EXOC6B: variants seen among roughly 807,000 people sequenced by gnomAD.
EXOC6B encodes the protein SEC15 homolog B.
EXOC6B carries 54 observed loss-of-function variants against 113.5 expected under a neutral mutation model. The ratio of observed to expected loss-of-function variants is 0.48; its 90% CI spans 0.38 to 0.60. EXOC6B has a LOEUF of 0.60. Among genes scored for constraint, EXOC6B ranks in the 20% least tolerant of loss-of-function variants. The pLI, the probability that EXOC6B is intolerant of heterozygous loss-of-function variation, is 0.00. For synonymous variants in EXOC6B, 357 were observed against 339.0 expected, an observed-to-expected ratio of 1.05 and a Z score of -0.58; for missense variants, 797 against 977.5, an observed-to-expected ratio of 0.82 and a Z score of 2.46.
chr2:72,746,371 A>C (rs536271416), intron 1 of EXOC6B, among the ~76,000 whole-genome samples: 20 of 152,092 alleles, frequency 1.3e-4, no homozygotes, highest in Non-Finnish European at 2.6e-4. Flanking sequence ...TCAACTAAAT[A>C]AATGCTGCCA....
intron 20 of EXOC6B, among the ~76,000 whole-genome samples, chr2:72,242,698 G>A (rs1292481581): frequency 6.6e-6 from 1 of 152,064 alleles, no homozygotes; most frequent in African/African-American, 2.4e-5. Flanking sequence ...TTTTCAGAGT[G>A]AATAAAATAA....
intron 18 of EXOC6B, among the ~76,000 whole-genome samples, chr2:72,432,853 G>A (rs142977498): frequency 6.6e-6 from 1 of 152,160 alleles, no homozygotes; most frequent in Admixed American, 6.5e-5. Context: ...CTCCCATTCT[G>A]TAGGCTGCCT....
chr2:72,338,061 A>G (rs549745946), intron 19 of EXOC6B, among the ~76,000 whole-genome samples: 157 of 152,290 alleles, frequency 1.0e-3, no homozygotes, highest in African/African-American at 3.7e-3. Flanking sequence ...TTACATGCAC[A>G]TTGATTAAGG....
intron 17 of EXOC6B, among the ~76,000 whole-genome samples, chr2:72,473,124 T>C (rs1486245474): frequency 2.0e-5 from 3 of 152,146 alleles, no homozygotes; most frequent in Non-Finnish European, 4.4e-5. Context: ...GAATGTTCCT[T>C]GTGCTGATGA....
At chr2:72,686,796 A>C (rs577602052) in intron 6 of EXOC6B, among the ~76,000 whole-genome samples, 3 of 152,300 alleles carry the variant, frequency 2.0e-5, no homozygotes, top group African/African-American at 7.2e-5. Context: ...GATATTCAAT[A>C]TGTCCTACAC....
chr2:72,722,200 A>G (rs1680054720), intron 5 of EXOC6B, among the ~76,000 whole-genome samples: 1 of 152,100 alleles, frequency 6.6e-6, no homozygotes, highest in African/African-American at 2.4e-5. Context: ...TTGGATGGCA[A>G]TATTACGAGC....
intron 19 of EXOC6B, among the ~76,000 whole-genome samples, chr2:72,345,366 G>C (rs566068193): frequency 6.6e-6 from 1 of 152,236 alleles, no homozygotes; most frequent in African/African-American, 2.4e-5. Context: ...TGTCCACATA[G>C]GAATCTGGGA....
At chr2:72,786,102 C>T (rs1263629908) in intron 1 of EXOC6B, among the ~76,000 whole-genome samples, 3 of 152,004 alleles carry the variant, frequency 2.0e-5, no homozygotes, top group African/African-American at 7.3e-5. Flanking sequence ...AGACATTCTA[C>T]AAAACAAGGA....
At chr2:72,348,216 C>T (rs1689445409) in intron 19 of EXOC6B, among the ~76,000 whole-genome samples, 1 of 152,092 alleles carries the variant, frequency 6.6e-6, no homozygotes, top group East Asian at 1.9e-4. Flanking sequence ...GGACACTAAT[C>T]CTATTTACAA....
chr2:72,581,310 G>T (rs751564953), intron 6 of EXOC6B, among the ~76,000 whole-genome samples: 4 of 151,782 alleles, frequency 2.6e-5, no homozygotes, highest in Non-Finnish European at 5.9e-5. Flanking sequence ...TATCAGATTC[G>T]AACAAACAAA....
intron 18 of EXOC6B, among the ~76,000 whole-genome samples, chr2:72,449,597 T>C (rs1422707739): frequency 6.6e-6 from 1 of 151,912 alleles, no homozygotes; most frequent in African/African-American, 2.4e-5. Context: ...AATATTTTCA[T>C]AGATAAGAAA....
chr2:72,318,519 G>C (rs1219003626), intron 20 of EXOC6B, among the ~76,000 whole-genome samples: 2 of 151,828 alleles, frequency 1.3e-5, no homozygotes, highest in African/African-American at 4.8e-5. Flanking sequence ...TCAGGCTCTC[G>C]AGTAGCTGGG....
intron 6 of EXOC6B, among the ~76,000 whole-genome samples, chr2:72,595,689 T>G (rs1670039401): frequency 1.3e-5 from 2 of 151,906 alleles, no homozygotes; most frequent in South Asian, 2.1e-4. Context: ...TGACACAAAT[T>G]TTTTTAAAAG....
At chr2:72,792,056 CTCCCTGGAAGTGGAT>C (rs1324910743) in intron 1 of EXOC6B, among the ~76,000 whole-genome samples, 4 of 152,212 alleles carry the variant, frequency 2.6e-5, no homozygotes, top group African/African-American at 9.6e-5. Flanking sequence ...GATGGAGCAC[CTCCCTGGAAGTGGAT>C]AGAATCCAAT....
chr2:72,782,699 C>T (rs1414205009), intron 1 of EXOC6B, among the ~76,000 whole-genome samples: 1 of 152,044 alleles, frequency 6.6e-6, no homozygotes, highest in East Asian at 1.9e-4. Flanking sequence ...CCCTCCCACT[C>T]CTCTGGTATC....
chr2:72,731,807 CAA>C (rs1680658922), intron 3 of EXOC6B, among the ~76,000 whole-genome samples: 1 of 152,086 alleles, frequency 6.6e-6, no homozygotes, highest in African/African-American at 2.4e-5. Context: ...CAGAAAAGAA[CAA>C]GAGAATGGTC....
chr2:72,774,110 G>A (rs944998882), intron 1 of EXOC6B, among the ~76,000 whole-genome samples: 10 of 152,056 alleles, frequency 6.6e-5, no homozygotes, highest in African/African-American at 1.4e-4. Context: ...GGGTTGTATA[G>A]GTTTTCCAAA....
chr2:72,512,253 C>T (rs1314068768), intron 11 of EXOC6B, among the ~76,000 whole-genome samples: 2 of 151,380 alleles, frequency 1.3e-5, no homozygotes, highest in Non-Finnish European at 2.9e-5. Context: ...AGAGCAAAGA[C>T]TATCTATCTT....
At chr2:72,367,068 T>TAAAGCA (rs1214173093) in intron 19 of EXOC6B, among the ~76,000 whole-genome samples, 1 of 152,100 alleles carries the variant, frequency 6.6e-6, no homozygotes, top group Admixed American at 6.6e-5. Context: ...AATGAGTGTT[T>TAAAGCA]AAAGCAAAGA....
Sources: gnomAD v4.1 joint callset for allele counts (sites outside exome capture counted in the v4.1 genomes callset) on GRCh38, gnomAD v4.1.1 for gene constraint, MANE v1.5 for transcripts, NCBI Gene and HGNC (gene_info 2026-07-23, HGNC 2026-07-21) for gene names.